The following CFAP69 variants were observed in gnomAD, a reference collection of about 807,000 sequenced individuals.
The protein encoded by CFAP69 is cilia and flagella associated protein 69, also known as cilia- and flagella-associated protein 69.
Under a neutral mutation model 123.0 loss-of-function variants are expected in CFAP69, and 92 were observed. The observed-to-expected ratio is 0.75, with a 90% CI of 0.63 to 0.89. The LOEUF (loss-of-function observed/expected upper bound fraction) is 0.89, where lower values mean the gene tolerates loss of function less well. Among genes scored for constraint, CFAP69 ranks in the 40% least tolerant of loss-of-function variants. The pLI, the probability that CFAP69 is intolerant of heterozygous loss-of-function variation, is 0.00. For synonymous variants in CFAP69, 380 were observed against 364.3 expected (o/e 1.04, Z -0.49); for missense variants, 1,067 against 1,096.9 (o/e 0.97, Z 0.39).
Position 90,279,754 on chromosome 7 carries a change from G to A in CFAP69, c.1233G>A (p.Trp411Ter). ...CTGAGAAGCAAAAAATAATTGACTG[G>A]TCTGCAGCACAGCATGAAGAATTAC... ...KKPEKQKIID[W>*]SAAQHEELQL... Residue 411 changes from tryptophan to a stop codon, truncating the protein, a stop_gained, in exon 12 of 23, where the codon TGG (tryptophan) becomes TGA (stop). Transcript: ENST00000389297. LOFTEE classifies it high-confidence loss of function. 1 of 1,613,062 alleles carries A rather than the reference G, an allele frequency of 6.2e-7. No homozygotes were observed. Among genetic ancestry groups the A allele is most frequent in the Non-Finnish European group, 8.5e-7 (1 of 1,179,778 alleles).
Position 90,265,357 on chromosome 7 carries a change from C to T in CFAP69, c.413C>T (p.Ala138Val). 6.2e-7 allele frequency: 1 copy of T among 1,610,404 alleles called. No homozygotes were observed. Among genetic ancestry groups the T allele is most frequent in the Non-Finnish European group, 8.5e-7 (1 of 1,177,414 alleles). ...GAAATAACTTATGCTGAAGATACTGCTAATTCAATTGCACTTCTGGGTAAG... is the reference window on the plus strand; with the variant it reads ...GAAATAACTTATGCTGAAGATACTGTTAATTCAATTGCACTTCTGGGTAAG... ...SDEITYAEDT[A>V]NSIALLGDLM... The change falls in exon 5 of 23, where the codon GCT (alanine) becomes GTT (valine). Residue 138 changes from alanine to valine, a missense_variant. Physicochemically the swap from Ala to Val is moderately conservative, Grantham distance 64 (BLOSUM62 0). Transcript: ENST00000389297.
intron 15 of CFAP69, among the ~76,000 whole-genome samples, chr7:90,288,649 A>C (rs1790659095): frequency 6.6e-6 from 1 of 152,122 alleles, no homozygotes; most frequent in African/African-American, 2.4e-5. Context: ...GTACAGTAAG[A>C]CTACAGAATA....
intron 5 of CFAP69, among the ~76,000 whole-genome samples, chr7:90,265,854 T>A (rs1481534770): frequency 2.0e-5 from 3 of 152,172 alleles, no homozygotes; most frequent in African/African-American, 7.2e-5. Context: ...CTATATTTTG[T>A]ACACAAAAAT....
chr7:90,248,670 G>A (rs1215433065), intron 1 of CFAP69, among the ~76,000 whole-genome samples: 1 of 152,126 alleles, frequency 6.6e-6, no homozygotes, highest in African/African-American at 2.4e-5. Flanking sequence ...CATATTCTAT[G>A]TAAACATTAT....
At chr7:90,288,129 T>A in intron 14 of CFAP69, 105 bp from the exon 15 acceptor site, 1 of 772,538 alleles carries the variant, frequency 1.3e-6, no homozygotes, top group Non-Finnish European at 2.0e-6. Context: ...ACAATGTTGC[T>A]GTATTTCTCT....
chr7:90,272,468 T>C (rs141304789), intron 8 of CFAP69, among the ~76,000 whole-genome samples: 1 of 152,194 alleles, frequency 6.6e-6, no homozygotes, highest in African/African-American at 2.4e-5. Flanking sequence ...GACAAGTAAA[T>C]AGACAACTAA....
chr7:90,251,422 C>T lies in CFAP69; in HGVS notation c.121-4001C>T, dbSNP rs1050053441. 6.6e-5 allele frequency among the ~76,000 whole-genome samples: 10 copies of T among 152,280 alleles called. 1 individual carries two copies. Among genetic ancestry groups the T allele is most frequent in the South Asian group, 4.1e-4 (2 of 4,828 alleles). On this transcript the variant is annotated intron_variant, in intron 1 of 22. Transcript: ENST00000389297. ...AAGTTGGAAGCAGAGGGACAAAAAC[C>T]GGGAAAGCTGGCAGTCATTGGCCAA...
At chr7:90,261,135 A>C (rs1798270753) in intron 3 of CFAP69, among the ~76,000 whole-genome samples, 7 of 151,090 alleles carry the variant, frequency 4.6e-5, no homozygotes. Context: ...GCTGCAGTGC[A>C]ATGGCATGAT....
intron 15 of CFAP69, among the ~76,000 whole-genome samples, chr7:90,296,710 A>T (rs1792036204): frequency 1.3e-5 from 2 of 152,170 alleles, no homozygotes; most frequent in South Asian, 4.1e-4. Context: ...GTGGAGATAT[A>T]AGACATCAGT....
intron 15 of CFAP69, among the ~76,000 whole-genome samples, chr7:90,294,671 C>A (rs1791671731): frequency 6.6e-6 from 1 of 152,136 alleles, no homozygotes; most frequent in Non-Finnish European, 1.5e-5. Context: ...TGTAACTGAC[C>A]AGTTTGCTGG....
Position 90,271,395 on chromosome 7 carries a change from C to T in CFAP69, c.533-131C>T, listed in dbSNP as rs17865337. 2.1e-3 allele frequency: 1,933 copies of T among 930,076 alleles called. 21 individuals are homozygous for T. In the African/African-American group the frequency reaches 0.029, roughly 14 times the overall value. The allele number at this position is 930,076 out of a possible 1,614,324, so 57.6% of individuals were successfully genotyped here. A position where few individuals can be genotyped will look rare whatever the true frequency, so the allele number is the denominator to read the frequency against. ...AAAAATGTGGCCCATCCCTATGCTG[C>T]GCAATTTTTAAATTCCATATACTTT... On this transcript the variant is annotated intron_variant, in intron 6 of 22. Coordinates refer to ENST00000389297, the MANE Select transcript of CFAP69 (RefSeq NM_001039706.3).
the CFAP69 span, among the ~76,000 whole-genome samples, chr7:90,323,434 T>C: frequency 2.3e-4 from 35 of 152,150 alleles, no homozygotes; most frequent in Admixed American, 2.3e-3. Flanking sequence ...TTAGGCTTTA[T>C]TAAAACTGGT....
At chr7:90,265,517 C>T (rs1433336911) in intron 5 of CFAP69, 140 bp downstream of exon 5, 3 of 574,510 alleles carry the variant, frequency 5.2e-6, no homozygotes, top group Non-Finnish European at 9.3e-6. Flanking sequence ...GAATTAATCA[C>T]AGTGTGCTTG....
chr7:90,271,321 G>GTT (rs1799917377), intron 6 of CFAP69, among the ~76,000 whole-genome samples: 2 of 152,084 alleles, frequency 1.3e-5, no homozygotes, highest in African/African-American at 4.8e-5. Flanking sequence ...TAGTTGGCAA[G>GTT]AAACCTTATA....
chr7:90,274,233 C>T, intron 9 of CFAP69, 123 bp downstream of exon 9: 2 of 1,180,478 alleles, frequency 1.7e-6, no homozygotes, highest in Non-Finnish European at 2.3e-6. Context: ...GCTGTAATAT[C>T]TTGATGGTCA....
At chr7:90,298,445 TG>T (rs1285412995) in intron 16 of CFAP69, among the ~76,000 whole-genome samples, 1 of 152,194 alleles carries the variant, frequency 6.6e-6, no homozygotes, top group Non-Finnish European at 1.5e-5. Context: ...CGTACAATTT[TG>T]TTTCAATAAA....
rs752786778 is a variant in CFAP69, at chr7:90,253,917, A to G, written c.121-1506A>G. 4.5e-4 allele frequency among the ~76,000 whole-genome samples: 68 copies of G among 152,158 alleles called. 1 individual carries two copies. Among genetic ancestry groups the G allele is most frequent in the Non-Finnish European group, 5.3e-4 (36 of 68,034 alleles). Reference sequence around the variant, plus strand: ...ACCCAAAAAAACCTGTGCCCAGACTAGTGTCCTAAAGTGTTTCCCCAATGT... The same window carrying G: ...ACCCAAAAAAACCTGTGCCCAGACTGGTGTCCTAAAGTGTTTCCCCAATGT... On this transcript the variant is annotated intron_variant, in intron 1 of 22. Transcript: ENST00000389297.
At chr7:90,308,129 G>A (rs1428133932) in intron 21 of CFAP69, among the ~76,000 whole-genome samples, 1 of 152,148 alleles carries the variant, frequency 6.6e-6, no homozygotes, top group African/African-American at 2.4e-5. Context: ...GAATGAGCAG[G>A]AAAATGTGTT....
intron 11 of CFAP69, among the ~76,000 whole-genome samples, chr7:90,279,123 C>T (rs1789043963): frequency 6.6e-6 from 1 of 151,982 alleles, no homozygotes; most frequent in African/African-American, 2.4e-5. Context: ...TGTAATGAAA[C>T]ATGGCTTGTG....
Sources: gnomAD v4.1 joint callset for allele counts (sites outside exome capture counted in the v4.1 genomes callset) on GRCh38, gnomAD v4.1.1 for gene constraint, MANE v1.5 for transcripts, NCBI Gene and HGNC (gene_info 2026-07-23, HGNC 2026-07-21) for gene names.